Variants in PCDHA1 observed in about 807,000 individuals in gnomAD.
PCDHA1 encodes the protein protocadherin alpha 1, also known as protocadherin alpha-1.
PCDHA1 carries 42 observed loss-of-function variants against 61.3 expected under a neutral mutation model. The ratio of observed to expected loss-of-function variants is 0.69; its 90% CI spans 0.54 to 0.89. The LOEUF (loss-of-function observed/expected upper bound fraction) is 0.89, where lower values mean the gene tolerates loss of function less well. Ranked by LOEUF, PCDHA1 falls within the 40% of genes least tolerant of loss-of-function variation. The pLI is 0.00. For synonymous variants in PCDHA1, 610 were observed against 553.8 expected, an observed-to-expected ratio of 1.10 and a Z score of -1.43; for missense variants, 1,256 against 1,235.3, an observed-to-expected ratio of 1.02 and a Z score of -0.25.
At chr5:140,967,406 G>A in intron 1 of PCDHA1, 1 of 1,613,006 alleles carries the variant, frequency 6.2e-7, no homozygotes, top group Non-Finnish European at 8.5e-7. Flanking sequence ...GCTGCGTAAG[G>A]GCCTAGACCG....
chr5:140,887,245 C>T (rs1200820177), intron 1 of PCDHA1, among the ~76,000 whole-genome samples: 2 of 151,924 alleles, frequency 1.3e-5, no homozygotes, highest in East Asian at 1.9e-4. Context: ...TACCGGCGCC[C>T]GCCACCACGC....
chr5:140,806,027 A>G lies in PCDHA1; in HGVS notation c.2394+17343A>G, dbSNP rs117573879. Among the ~76,000 whole-genome samples the G allele has an allele frequency of 4.3e-4, 65 of 152,342 alleles. 2 individuals carry two copies. The East Asian group carries it at 0.011, about 26-fold the overall frequency. ...ACATACTCAAATGCTTATAAGAGAT[A>G]AATTAATGTAATAAATGGCCCACGC... On this transcript the variant is annotated intron_variant, in intron 1 of 3. Coordinates refer to ENST00000504120, the MANE Select transcript of PCDHA1 (RefSeq NM_018900.4).
chr5:140,847,482 A>G (rs1283020613), intron 1 of PCDHA1: 1 of 149,956 alleles, frequency 6.7e-6, no homozygotes, highest in Non-Finnish European at 1.5e-5. Flanking sequence ...TTGGAATAAG[A>G]TAGTAAAACT....
chr5:140,887,454 T>A (rs1234442880), intron 1 of PCDHA1, among the ~76,000 whole-genome samples: 5 of 152,178 alleles, frequency 3.3e-5, no homozygotes, highest in Non-Finnish European at 7.3e-5. Context: ...GACAGTTTTT[T>A]AAAAGATATA....
At chr5:140,837,655 T>C (rs1323533582) in intron 1 of PCDHA1, among the ~76,000 whole-genome samples, 3 of 151,204 alleles carry the variant, frequency 2.0e-5, no homozygotes, top group Non-Finnish European at 4.4e-5. Context: ...CTTTCTTCCT[T>C]TTTCTTTCAT....
chr5:140,877,737 G>A, intron 1 of PCDHA1: 6 of 1,614,176 alleles, frequency 3.7e-6, no homozygotes, highest in Non-Finnish European at 5.1e-6. Flanking sequence ...AGCAGAGGAG[G>A]CAGAGGGTGT....
Position 140,844,237 on chromosome 5 carries a change from T to C in PCDHA1, c.2394+55553T>C, listed in dbSNP as rs1453017413. Among the ~76,000 whole-genome samples the C allele has an allele frequency of 2.7e-5, 4 of 149,830 alleles. 1 individual carries two copies. The highest frequency in any genetic ancestry group is 4.2e-4 in the South Asian group (2 of 4,726). On this transcript the variant is annotated intron_variant, in intron 1 of 3. Coordinates refer to ENST00000504120, the MANE Select transcript of PCDHA1 (RefSeq NM_018900.4). ...CACAAATATCTTTGGTGTTTCACTA[T>C]TGCCGTTTTAAGCAGTGTAGTGATA...
chr5:141,007,654 C>G (rs1461130528), intron 3 of PCDHA1, among the ~76,000 whole-genome samples: 1 of 152,052 alleles, frequency 6.6e-6, no homozygotes, highest in Non-Finnish European at 1.5e-5. Flanking sequence ...CCTAAAAAAC[C>G]ATAAATTTAC....
rs782803893 is a variant in PCDHA1, at chr5:140,927,898, C to G, written c.2395-51051C>G. 3.1e-6 allele frequency: 5 copies of G among 1,614,230 alleles called. No individual in the cohort carries two copies. In the South Asian group the frequency reaches 4.4e-5, roughly 14 times the overall value. On this transcript the variant is annotated intron_variant, in intron 1 of 3. Coordinates refer to ENST00000504120, the MANE Select transcript of PCDHA1 (RefSeq NM_018900.4). Reference sequence around the variant, plus strand: ...GGTGGAGGTGACTGACGTGAACGATCATGCCCCCGAACTGGACTTCCTGAC... The same window carrying G: ...GGTGGAGGTGACTGACGTGAACGATGATGCCCCCGAACTGGACTTCCTGAC...
At chr5:140,827,965 T>A in intron 1 of PCDHA1, 1 of 1,335,940 alleles carries the variant, frequency 7.5e-7, no homozygotes, top group Non-Finnish European at 1.0e-6. Flanking sequence ...CTTCTATTAC[T>A]GCATCATTCC....
rs2150160577 is a variant in PCDHA1, at chr5:140,828,908, G to A, written c.2394+40224G>A. On this transcript the variant is annotated intron_variant, in intron 1 of 3. Coordinates refer to ENST00000504120, the MANE Select transcript of PCDHA1 (RefSeq NM_018900.4). Reference sequence around the variant, plus strand: ...GAATGCTTCTGATCGGGATGAAGGAGCGAATGGGGCAATTTCATATTCTTT... The same window carrying A: ...GAATGCTTCTGATCGGGATGAAGGAACGAATGGGGCAATTTCATATTCTTT... The A allele has an allele frequency of 4.2e-5, 67 of 1,614,134 alleles. 1 individual carries two copies. The South Asian group carries it at 6.7e-4, about 16-fold the overall frequency.
chr5:140,829,641 T>TGGAGCG, intron 1 of PCDHA1: 1 of 1,612,096 alleles, frequency 6.2e-7, no homozygotes, highest in Non-Finnish European at 8.5e-7. Context: ...AGCGGCAAGG[T>TGGAGCG]GTACGCGCTG....
chr5:140,928,223 A>G (rs2085050678), intron 1 of PCDHA1: 1 of 1,614,178 alleles, frequency 6.2e-7, no homozygotes. Flanking sequence ...AATACACCAA[A>G]CTTTCCTCAA....
intron 1 of PCDHA1, among the ~76,000 whole-genome samples, chr5:140,887,221 C>T (rs149306651): frequency 9.2e-5 from 14 of 151,858 alleles, no homozygotes; most frequent in Non-Finnish European, 1.3e-4. Flanking sequence ...CTCAGCCTCC[C>T]GAGTAGCTGA....
chr5:140,812,398 G>C (rs938741537), intron 1 of PCDHA1: 1 of 151,504 alleles, frequency 6.6e-6, no homozygotes, highest in Non-Finnish European at 1.5e-5. Flanking sequence ...CTAGCTAAGG[G>C]GCTTGTCAGT....
intron 1 of PCDHA1, chr5:140,876,671 C>T (rs782473628): frequency 3.1e-6 from 5 of 1,614,212 alleles, no homozygotes; most frequent in Non-Finnish European, 2.5e-6. Flanking sequence ...CTGGTGTCCA[C>T]CTACAAGAAT....
chr5:140,892,943 AC>A (rs2063750109), intron 1 of PCDHA1, among the ~76,000 whole-genome samples: 1 of 152,088 alleles, frequency 6.6e-6, no homozygotes, highest in South Asian at 2.1e-4. Flanking sequence ...TAAGCACAAT[AC>A]TACTTCCATG....
At chr5:141,004,445 T>C (rs2098166676) in intron 3 of PCDHA1, among the ~76,000 whole-genome samples, 1 of 152,206 alleles carries the variant, frequency 6.6e-6, no homozygotes. Flanking sequence ...CTGAGTCATA[T>C]AGAACCAGGA....
intron 1 of PCDHA1, among the ~76,000 whole-genome samples, chr5:140,896,646 G>C (rs1330006792): frequency 6.6e-6 from 1 of 152,078 alleles, no homozygotes; most frequent in Non-Finnish European, 1.5e-5. Flanking sequence ...CAAAGTGCTA[G>C]TATTACAGGC....
Sources: gnomAD v4.1 joint callset for allele counts (sites outside exome capture counted in the v4.1 genomes callset) on GRCh38, gnomAD v4.1.1 for gene constraint, MANE v1.5 for transcripts, NCBI Gene and HGNC (gene_info 2026-07-23, HGNC 2026-07-21) for gene names.